PTPRN2: variants seen among roughly 807,000 people sequenced by gnomAD.
The protein encoded by PTPRN2 is protein tyrosine phosphatase receptor type N2, also known as receptor-type tyrosine-protein phosphatase N2.
Under a neutral mutation model 118.8 loss-of-function variants are expected in PTPRN2, and 74 were observed. The ratio of observed to expected loss-of-function variants is 0.62; its 90% CI spans 0.52 to 0.76. PTPRN2 has a LOEUF of 0.76. Among genes scored for constraint, PTPRN2 ranks in the 30% least tolerant of loss-of-function variants. The pLI is 0.00. For missense variants in PTPRN2, 1,481 were observed against 1,394.4 expected, an observed-to-expected ratio of 1.06 and a Z score of -0.99; for synonymous variants, 641 against 608.0, an observed-to-expected ratio of 1.05 and a Z score of -0.80.
intron 3 of PTPRN2, among the ~76,000 whole-genome samples, chr7:158,281,622 A>T (rs1348234104): frequency 6.6e-6 from 1 of 151,766 alleles, no homozygotes; most frequent in Non-Finnish European, 1.5e-5. Context: ...CTGGCTTTGC[A>T]CCCCCCTCCT....
chr7:158,429,874 C>T (rs1220702898), intron 2 of PTPRN2, among the ~76,000 whole-genome samples: 4 of 152,172 alleles, frequency 2.6e-5, no homozygotes, highest in African/African-American at 4.8e-5. Flanking sequence ...TGTGTGTAGC[C>T]GTACTCGTGG....
At position 158,167,015 on chromosome 7, in the gene PTPRN2, G is replaced by A. The variant is rs1183840015; in HGVS notation, c.826C>T (p.Pro276Ser). ...GCGGCTGGTGCCAGCAAAGGCCTGG[G>A]CATTCTTGAGGGTGCACGCAGAAGG... ...QYLLRAPSRM[P>S]RPLLAPAAPQ... is the part of the protein sequence containing the mutation. Residue 276 changes from proline (P) to serine (S), a missense_variant, in exon 6 of 23, where the codon CCC (proline) becomes TCC (serine). Physicochemically the swap from Pro to Ser is moderately conservative, Grantham distance 74. Around this residue, in one of 3 missense-constraint regions of PTPRN2, gnomAD observed 1,115 missense variants for 994.2 expected, o/e 1.12. Coordinates refer to ENST00000389418, the MANE Select transcript of PTPRN2 (RefSeq NM_002847.5). 3.4e-6 allele frequency: 5 copies of A among 1,491,548 alleles called. No individual in the cohort carries two copies. The highest frequency in any genetic ancestry group is 4.5e-6 in the Non-Finnish European group (5 of 1,117,962). The allele number at this position is 1,491,548 out of a possible 1,614,324, so 92.4% of individuals were successfully genotyped here.
At chr7:158,063,405 G>T (rs978505908) in intron 11 of PTPRN2, among the ~76,000 whole-genome samples, 4 of 152,154 alleles carry the variant, frequency 2.6e-5, no homozygotes, top group African/African-American at 9.7e-5. Flanking sequence ...AGACCAATCA[G>T]CTCTCTGTAA....
chr7:158,432,472 C>G (rs1310537513), intron 2 of PTPRN2, among the ~76,000 whole-genome samples: 1 of 152,242 alleles, frequency 6.6e-6, no homozygotes, highest in Admixed American at 6.5e-5. Flanking sequence ...GGTGCAAGCT[C>G]TGGCCCAGGC....
intron 12 of PTPRN2, among the ~76,000 whole-genome samples, chr7:157,840,504 G>A (rs756379227): frequency 1.3e-5 from 2 of 152,016 alleles, no homozygotes; most frequent in Non-Finnish European, 2.9e-5. Context: ...GTGACTGTGT[G>A]GAGTGTGTGT....
intron 1 of PTPRN2, among the ~76,000 whole-genome samples, chr7:158,579,807 T>C (rs938982017): frequency 6.6e-6 from 1 of 152,240 alleles, no homozygotes; most frequent in African/African-American, 2.4e-5. Context: ...GGCTATTTCA[T>C]AGAATCAAGG....
chr7:158,030,904 G>A (rs1011230751), intron 11 of PTPRN2: 5 of 152,296 alleles, frequency 3.3e-5, no homozygotes, highest in Non-Finnish European at 7.3e-5. Flanking sequence ...CCAGAGCTCA[G>A]CGATGAGCCA....
intron 5 of PTPRN2, among the ~76,000 whole-genome samples, chr7:158,168,329 G>A (rs549867596): frequency 6.6e-6 from 1 of 152,352 alleles, no homozygotes; most frequent in East Asian, 1.9e-4. Flanking sequence ...AGCAATGAGA[G>A]GAGCTGCTCC....
Position 158,395,799 on chromosome 7 carries a change from C to T in PTPRN2, c.164-78867G>A, listed in dbSNP as rs1186971716. On this transcript the variant is annotated intron_variant, in intron 2 of 22. Coordinates refer to ENST00000389418, the MANE Select transcript of PTPRN2 (RefSeq NM_002847.5). ...GAGGCGCGAGGGGCGAGGGGTGAGG[C>T]GCGAGGGGCGAGGGGCGAGGGCTCC... 1.4e-4 allele frequency among the ~76,000 whole-genome samples: 6 copies of T among 41,666 alleles called. 1 individual carries two copies. Among genetic ancestry groups the T allele is most frequent in the African/African-American group, 5.5e-4 (6 of 10,920 alleles). 27.3% of individuals were successfully genotyped at this position (41,666 alleles called of 152,430 possible).
At position 157,749,759 on chromosome 7, in the gene PTPRN2, C is replaced by T. The variant is rs377344786; in HGVS notation, c.1789-66822G>A. 8.3e-3 allele frequency among the ~76,000 whole-genome samples: 1,143 copies of T among 137,432 alleles called. 38 individuals are homozygous for T. The highest frequency in any genetic ancestry group is 0.014 in the Admixed American group (168 of 12,122). The allele number at this position is 137,432 out of a possible 152,430, so 90.2% of individuals were successfully genotyped here. A position where few individuals can be genotyped will look rare whatever the true frequency, so the allele number is the denominator to read the frequency against. ...TGATTCTGAGGCCTGCGTCCCTGAGCTGCGGGGTGTGTGGGTGATTCTGAG... is the reference window on the plus strand; with the variant it reads ...TGATTCTGAGGCCTGCGTCCCTGAGTTGCGGGGTGTGTGGGTGATTCTGAG... On this transcript the variant is annotated intron_variant, in intron 12 of 22. Transcript: ENST00000389418.
At chr7:157,817,424 A>T (rs1161648810) in intron 12 of PTPRN2, among the ~76,000 whole-genome samples, 2 of 151,992 alleles carry the variant, frequency 1.3e-5, no homozygotes, top group East Asian at 3.9e-4. Context: ...GGCTGTGGGG[A>T]AAGGAGAGGT....
In PTPRN2 at chr7:157,748,519, C is replaced by CA. The variant is rs1563067989; in HGVS notation, c.1789-65583_1789-65582insT. On this transcript the variant is annotated intron_variant, in intron 12 of 22. Coordinates refer to ENST00000389418, the MANE Select transcript of PTPRN2 (RefSeq NM_002847.5). ...AGTGTCTGGGTGATTCTTAGGTCTG[C>CA]GTCTCTGAGCTGTGGGGTGTCCGGG... 1.8e-4 allele frequency among the ~76,000 whole-genome samples: 25 copies of CA among 137,722 alleles called. 1 individual carries two copies. The highest frequency in any genetic ancestry group is 7.2e-4 in the South Asian group (3 of 4,154). The allele number at this position is 137,722 out of a possible 152,430, so 90.4% of individuals were successfully genotyped here. A position where few individuals can be genotyped will look rare whatever the true frequency, so the allele number is the denominator to read the frequency against.
intron 3 of PTPRN2, among the ~76,000 whole-genome samples, chr7:158,238,990 G>C (rs913587904): frequency 6.6e-6 from 1 of 152,188 alleles, no homozygotes; most frequent in Non-Finnish European, 1.5e-5. Flanking sequence ...AGAAGAGGGT[G>C]CTGGCCTCAG....
At chr7:158,129,633 A>T (rs910664981) in intron 9 of PTPRN2, among the ~76,000 whole-genome samples, 3 of 152,204 alleles carry the variant, frequency 2.0e-5, no homozygotes, top group Admixed American at 6.5e-5. Flanking sequence ...ACCACACACA[A>T]AGCAGTGTTT....
At chr7:158,564,057 C>T (rs187373419) in intron 1 of PTPRN2, among the ~76,000 whole-genome samples, 398 of 152,230 alleles carry the variant, frequency 2.6e-3, no homozygotes, top group African/African-American at 9.1e-3. Flanking sequence ...GCAGCACTTG[C>T]GGGGGGCACA....
chr7:157,942,639 T>G (rs1468070148), intron 11 of PTPRN2, among the ~76,000 whole-genome samples: 4 of 152,104 alleles, frequency 2.6e-5, no homozygotes, highest in African/African-American at 9.7e-5. Context: ...CGTTCACCTG[T>G]ACATCGCAAG....
In PTPRN2 at chr7:158,192,342, G is replaced by A; in HGVS notation, c.534C>T (p.Asp178=). Reference sequence around the variant, plus strand: ...GAAGGGTCACCTCAGCGGGGGGTCTGTCCTGCGCCGTATGGGTCCTGGCGA... The same window carrying A: ...GAAGGGTCACCTCAGCGGGGGGTCTATCCTGCGCCGTATGGGTCCTGGCGA... The part of the protein sequence containing the change: ...DVLARTHTAQ[D]RPPAEGDDRF... Residue 178 remains aspartate, a synonymous_variant, in exon 5 of 23, where the codon GAC becomes GAT. Transcript: ENST00000389418. The A allele has an allele frequency of 2.0e-6, 3 of 1,505,016 alleles. No individual in the cohort carries two copies. The highest frequency in any genetic ancestry group is 2.6e-6 in the Non-Finnish European group (3 of 1,138,904). The allele number at this position is 1,505,016 out of a possible 1,614,324, so 93.2% of individuals were successfully genotyped here.
intron 12 of PTPRN2, among the ~76,000 whole-genome samples, chr7:157,842,413 T>C (rs1808493618): frequency 9.1e-6 from 1 of 110,210 alleles, no homozygotes; most frequent in African/African-American, 3.8e-5. Flanking sequence ...CAGGAGACTT[T>C]TTTTTTTTTT....
In PTPRN2 at chr7:157,617,092, A is replaced by T. The variant is rs1802824302; in HGVS notation, c.2344+4270T>A. 6.6e-6 allele frequency: 1 copy of T among 152,056 alleles called. No homozygotes were observed. Among genetic ancestry groups the T allele is most frequent in the Admixed American group, 6.6e-5 (1 of 15,266 alleles). 9.4% of individuals were successfully genotyped at this position (152,056 alleles called of 1,614,324 possible). Reference sequence around the variant, plus strand: ...TTCAGCTCTGACGGGCGGGCTCTAAACCCCAAAGTTCTTGTCGGCCAAGTG... The same window carrying T: ...TTCAGCTCTGACGGGCGGGCTCTAATCCCCAAAGTTCTTGTCGGCCAAGTG... On this transcript the variant is annotated intron_variant, in intron 15 of 22. Transcript: ENST00000389418. The surrounding 1 kb of genome is among the most constrained non-coding windows in gnomAD (Gnocchi z 7.5).
Sources: gnomAD v4.1 joint callset for allele counts (sites outside exome capture counted in the v4.1 genomes callset) on GRCh38, gnomAD v4.1.1 for gene constraint, gnomAD v4.1.1 regional missense constraint, Gnocchi (gnomAD v3.1) non-coding constraint, MANE v1.5 for transcripts, NCBI Gene and HGNC (gene_info 2026-07-23, HGNC 2026-07-21) for gene names.